SLCO1B1: variants seen among roughly 807,000 people sequenced by gnomAD.
SLCO1B1 encodes the protein solute carrier organic anion transporter family member 1B1.
Under a neutral mutation model 70.1 loss-of-function variants are expected in SLCO1B1, and 81 were observed. That is an observed-to-expected ratio of 1.16 (90% confidence interval 0.97 to 1.39). The LOEUF is 1.39. SLCO1B1 is among the 40% of genes most tolerant of loss of function. The pLI, the probability that SLCO1B1 is intolerant of heterozygous loss-of-function variation, is 0.00. For synonymous variants in SLCO1B1, 283 were observed against 271.5 expected, an observed-to-expected ratio of 1.04 and a Z score of -0.42; for missense variants, 895 against 799.6, an observed-to-expected ratio of 1.12 and a Z score of -1.44.
At chr12:21,160,299 A>C (rs2121076359) in intron 2 of SLCO1B1, among the ~76,000 whole-genome samples, 1 of 152,150 alleles carries the variant, frequency 6.6e-6, no homozygotes, top group East Asian at 1.9e-4. Context: ...ATGGAACAAA[A>C]TAGAGAGCCC....
chr12:21,158,314 T>C (rs11045800), intron 2 of SLCO1B1, among the ~76,000 whole-genome samples: 13,153 of 152,214 alleles, frequency 0.086, 619 homozygotes, highest in East Asian at 0.13. Flanking sequence ...ATGTTTAAAA[T>C]TCAAAAAATA....
chr12:21,207,160 A>G (rs1162639921), intron 11 of SLCO1B1, among the ~76,000 whole-genome samples: 1 of 151,992 alleles, frequency 6.6e-6, no homozygotes, highest in Non-Finnish European at 1.5e-5. Flanking sequence ...TATTTTAGGT[A>G]AAGGGGATAC....
At chr12:21,182,680 A>G (rs1309174555) in intron 7 of SLCO1B1, among the ~76,000 whole-genome samples, 2 of 152,104 alleles carry the variant, frequency 1.3e-5, no homozygotes, top group Non-Finnish European at 2.9e-5. Flanking sequence ...CAGATCCCCC[A>G]GTGTAGCTAC....
intron 12 of SLCO1B1, among the ~76,000 whole-genome samples, chr12:21,220,360 A>G (rs2121185785): frequency 6.6e-6 from 1 of 152,232 alleles, no homozygotes; most frequent in Admixed American, 6.5e-5. Context: ...CAACGTACAG[A>G]TGGTATTTAT....
intron 14 of SLCO1B1, among the ~76,000 whole-genome samples, chr12:21,237,279 T>G (rs1315723228): frequency 1.3e-5 from 2 of 152,198 alleles, no homozygotes; most frequent in East Asian, 1.9e-4. Flanking sequence ...ACAAGGAAGA[T>G]GTACTGGAAA....
At chr12:21,182,480 C>G (rs939385547) in intron 7 of SLCO1B1, among the ~76,000 whole-genome samples, 1 of 152,210 alleles carries the variant, frequency 6.6e-6, no homozygotes, top group African/African-American at 2.4e-5. Flanking sequence ...AGCGAAGAGA[C>G]AGCGGGGCCA....
intron 7 of SLCO1B1, among the ~76,000 whole-genome samples, chr12:21,193,992 C>T (rs1480500212): frequency 6.6e-6 from 1 of 152,088 alleles, no homozygotes; most frequent in Non-Finnish European, 1.5e-5. Flanking sequence ...GGGGTTTCAC[C>T]GTGTTAGCCA....
intron 7 of SLCO1B1, among the ~76,000 whole-genome samples, chr12:21,188,703 C>T (rs1176003443): frequency 6.6e-6 from 1 of 152,158 alleles, no homozygotes; most frequent in Middle Eastern, 3.2e-3. Context: ...CCTCCCCCCT[C>T]TCTTCTTCCT....
chr12:21,216,638 T>G (rs913457889), intron 11 of SLCO1B1, among the ~76,000 whole-genome samples: 2 of 152,168 alleles, frequency 1.3e-5, no homozygotes, highest in Non-Finnish European at 1.5e-5. Flanking sequence ...GTCTCTATTT[T>G]TCCTGGACTC....
chr12:21,140,002 T>G (rs1449764431), intron 1 of SLCO1B1, among the ~76,000 whole-genome samples: 2 of 152,098 alleles, frequency 1.3e-5, no homozygotes, highest in Non-Finnish European at 2.9e-5. Context: ...GACAACTAAT[T>G]CAATGTTAAT....
chr12:21,145,085 G>T (rs1940362959), intron 2 of SLCO1B1, among the ~76,000 whole-genome samples: 1 of 152,154 alleles, frequency 6.6e-6, no homozygotes, highest in South Asian at 2.1e-4. Context: ...ATGTAAATGG[G>T]TTAAATGCCT....
chr12:21,145,612 T>TA (rs1011591976), intron 2 of SLCO1B1, among the ~76,000 whole-genome samples: 1 of 149,148 alleles, frequency 6.7e-6, no homozygotes, highest in Non-Finnish European at 1.5e-5. Flanking sequence ...AGCCATCACA[T>TA]CTGGAAGCTG....
chr12:21,176,660 T>A, intron 4 of SLCO1B1, 116 bp from the exon 5 acceptor site: 1 of 803,360 alleles, frequency 1.2e-6, no homozygotes, highest in South Asian at 1.5e-5. Context: ...GAAAGTACTC[T>A]GGTAATTTGG....
At chr12:21,238,935 A>C (rs1243064524) in intron 14 of SLCO1B1, 44 bp from the exon 15 acceptor site, 3 of 1,224,282 alleles carry the variant, frequency 2.5e-6, no homozygotes, top group Non-Finnish European at 3.5e-6. Flanking sequence ...GTTATTACAC[A>C]CAATTTAAAC....
chr12:21,233,481 A>G (rs570823860), intron 14 of SLCO1B1, among the ~76,000 whole-genome samples: 8 of 149,484 alleles, frequency 5.4e-5, no homozygotes, highest in African/African-American at 2.0e-4. Flanking sequence ...GATTGAAGAG[A>G]AATCTCCTGA....
At chr12:21,219,843 C>T (rs771994116) in intron 12 of SLCO1B1, among the ~76,000 whole-genome samples, 203 of 41,864 alleles carry the variant, frequency 4.8e-3, no homozygotes, top group Admixed American at 0.011. Context: ...TTGCTGCAAC[C>T]CTCCGCCTCC....
At chr12:21,181,661 T>C (rs1418816188) in intron 7 of SLCO1B1, among the ~76,000 whole-genome samples, 1 of 152,170 alleles carries the variant, frequency 6.6e-6, no homozygotes, top group African/African-American at 2.4e-5. Context: ...TATTTTTCTT[T>C]TATTATGGTA....
intron 2 of SLCO1B1, among the ~76,000 whole-genome samples, chr12:21,152,533 C>CTGTTTTTTTTTTTT (rs1940484981): frequency 8.7e-5 from 3 of 34,358 alleles, no homozygotes; most frequent in African/African-American, 1.0e-4. Context: ...AGAGGAGAGG[C>CTGTTTTTTTTTTTT]TTTTTTTTTT....
intron 1 of SLCO1B1, among the ~76,000 whole-genome samples, chr12:21,134,619 C>T (rs145495992): frequency 6.6e-6 from 1 of 151,906 alleles, no homozygotes; most frequent in Non-Finnish European, 1.5e-5. Flanking sequence ...GTTTATTTGC[C>T]TAGAGGTGTT....
Sources: allele counts gnomAD v4.1 joint callset (sites outside exome capture counted in the v4.1 genomes callset), GRCh38; gene constraint gnomAD v4.1.1; transcripts MANE v1.5; gene names NCBI Gene and HGNC (gene_info 2026-07-23, HGNC 2026-07-21).